Variants in RPP40 observed in about 807,000 individuals in gnomAD.
The protein encoded by RPP40 is ribonuclease P/MRP subunit p40.
In RPP40, 30 loss-of-function variants were observed where a neutral mutation model predicts 42.5. The observed-to-expected ratio is 0.71, with a 90% CI of 0.53 to 0.96. The LOEUF (loss-of-function observed/expected upper bound fraction) is 0.96. Among genes scored for constraint, RPP40 ranks in the 40% least tolerant of loss-of-function variants. The pLI is 0.00. For synonymous variants in RPP40, 173 were observed against 164.0 expected (o/e 1.05, Z -0.42); for missense variants, 426 against 433.5 (o/e 0.98, Z 0.15).
chr6:4,995,371 A>G, intron 7 of RPP40, 95 bp from the exon 8 acceptor site: 2 of 849,828 alleles, frequency 2.4e-6, no homozygotes, highest in Non-Finnish European at 3.7e-6. Context: ...TATTTCTGAT[A>G]TTCTAATAAA....
At chr6:4,992,908 A>G (rs547422801), downstream of RPP40, among the ~76,000 whole-genome samples, 112 of 152,326 alleles carry the variant, frequency 7.4e-4, no homozygotes, top group African/African-American at 2.5e-3. Flanking sequence ...TTTACAGCAC[A>G]TATCTGTAAC....
intron 4 of RPP40, among the ~76,000 whole-genome samples, chr6:4,999,134 G>A (rs916217512): frequency 6.5e-5 from 8 of 123,540 alleles, no homozygotes; most frequent in African/African-American, 1.1e-4. Flanking sequence ...TGGATGTGGC[G>A]GCCTTAGCTA....
rs1432478033 is a variant in RPP40 at position 4,999,862 on chromosome 6, G to A, written c.380C>T (p.Thr127Ile). 6.2e-7 allele frequency: 1 copy of A among 1,609,828 alleles called. No individual in the cohort carries two copies. The highest frequency in any genetic ancestry group is 2.2e-5 in the East Asian group (1 of 44,814). The change falls in exon 4 of 8, where the codon ACT becomes ATT. Residue 127 changes from threonine (T) to isoleucine (I), a missense_variant. Thr to Ile is a moderately conservative substitution (Grantham distance 89, BLOSUM62 -1). Coordinates refer to ENST00000380051, the MANE Select transcript of RPP40 (RefSeq NM_006638.4). ...CTGAGATGGATGACCCTGAAGTCCA[G>A]TTTCTTCATAAGTGTCTTTATCCAG... ...LSLDKDTYEETGLQGHPSQFS... is the reference protein window; with the variant it reads ...LSLDKDTYEEIGLQGHPSQFS...
In RPP40 at chr6:4,994,737, A is replaced by T. The variant is rs1168334333; in HGVS notation, c.*341T>A. The T allele has an allele frequency of 1.4e-5, 3 of 221,100 alleles. No individual in the cohort carries two copies. The East Asian group carries it at 2.8e-4, about 21-fold the overall frequency. The allele number at this position is 221,100 out of a possible 1,614,324, so 13.7% of individuals were successfully genotyped here. A position where few individuals can be genotyped will look rare whatever the true frequency, so the allele number is the denominator to read the frequency against. ...CCTGGTAAGGATGAGATTTCTTTTT[A>T]TTATCTGAAAAAGTTGTAATGAACA... On this transcript the variant is annotated 3_prime_UTR_variant, in exon 8 of 8. Coordinates refer to ENST00000380051, the MANE Select transcript of RPP40 (RefSeq NM_006638.4).
At chr6:5,001,933 T>C in intron 2 of RPP40, 168 bp downstream of exon 2, 1 of 608,594 alleles carries the variant, frequency 1.6e-6, no homozygotes, top group East Asian at 2.7e-5. Context: ...CTAAAGAGGG[T>C]ACAAGAAAGA....
At chr6:4,988,502 C>A in the RPP40 span, among the ~76,000 whole-genome samples, 1 of 152,164 alleles carries the variant, frequency 6.6e-6, no homozygotes, top group East Asian at 1.9e-4. Context: ...CATCCCTAAT[C>A]TCAGGCAACC....
intron 4 of RPP40, 121 bp downstream of exon 4, chr6:4,999,688 T>C (rs1759492475): frequency 1.6e-6 from 1 of 625,938 alleles, no homozygotes; most frequent in South Asian, 2.1e-5. Context: ...AGTCAGAAGT[T>C]TGACAGATTT....
intron 2 of RPP40, among the ~76,000 whole-genome samples, chr6:5,000,883 C>A (rs1759534253): frequency 6.7e-6 from 1 of 150,372 alleles, no homozygotes; most frequent in Non-Finnish European, 1.5e-5. Flanking sequence ...ACAAAGCTTG[C>A]AGAAGACCAA....
downstream of RPP40, among the ~76,000 whole-genome samples, chr6:4,989,748 C>T (rs1233042390): frequency 6.6e-6 from 1 of 152,102 alleles, no homozygotes; most frequent in Admixed American, 6.5e-5. Context: ...ATCAATTTTT[C>T]ATTGCTACCA....
chr6:4,995,958 G>T lies in RPP40; in HGVS notation c.886C>A (p.His296Asn). ...LPEKICLLLEHLCHYFDEPKL... is the reference protein window; with the variant it reads ...LPEKICLLLENLCHYFDEPKL... The stretch of plus-strand genomic sequence containing the variant: ...AAGGTAAAGAGTTCTCACCAGAGAT[G>T]TTCCAATAGGAGACAGATCTTCTCT... Residue 296 changes from histidine (H) to asparagine (N), a missense_variant, in exon 7 of 8, where the codon CAT becomes AAT. His to Asn is a moderately conservative substitution (Grantham distance 68, BLOSUM62 1). Transcript: ENST00000380051. 2 of 1,613,988 alleles carry T rather than the reference G, an allele frequency of 1.2e-6. No homozygotes were observed. The highest frequency in any genetic ancestry group is 2.2e-5 in the South Asian group (2 of 91,070).
In RPP40 at chr6:4,995,974, G is replaced by C. The variant is rs1243977596; in HGVS notation, c.870C>G (p.Ile290Met). ...ACCAGAGATGTTCCAATAGGAGACA[G>C]ATCTTCTCTGGAAGTATGAAGCCAG... Reference protein sequence around the residue: ...TITGFILPEKICLLLEHLCHY... With the variant: ...TITGFILPEKMCLLLEHLCHY... Residue 290 changes from isoleucine (I) to methionine (M), a missense_variant, in exon 7 of 8, where the codon ATC (isoleucine) becomes ATG (methionine). By Grantham distance (10) the Ile-to-Met change is conservative (BLOSUM62 1). Coordinates refer to ENST00000380051, the MANE Select transcript of RPP40 (RefSeq NM_006638.4). 1 of 1,614,118 alleles carries C rather than the reference G, an allele frequency of 6.2e-7. No homozygotes were observed. Among genetic ancestry groups the C allele is most frequent in the Non-Finnish European group, 8.5e-7 (1 of 1,179,980 alleles).
chr6:4,992,368 C>CAA (rs56244686), downstream of RPP40, among the ~76,000 whole-genome samples: 4 of 108,702 alleles, frequency 3.7e-5, no homozygotes, highest in Non-Finnish European at 3.9e-5. Flanking sequence ...GGCTCTGTCT[C>CAA]AAAAAAAAAA....
intron 2 of RPP40, 31 bp from the exon 3 acceptor site, chr6:5,000,662 A>T (rs750554568): frequency 2.9e-6 from 4 of 1,363,996 alleles, no homozygotes; most frequent in Non-Finnish European, 4.2e-6. Context: ...GAAAAATTTA[A>T]AACAAGAAAT....
At chr6:4,990,439 C>T (rs1173510771), downstream of RPP40, among the ~76,000 whole-genome samples, 1 of 152,094 alleles carries the variant, frequency 6.6e-6, no homozygotes, top group African/African-American at 2.4e-5. Flanking sequence ...TAGGATAATT[C>T]TGGCCTCAGA....
chr6:5,002,002 G>A, intron 2 of RPP40, 99 bp downstream of exon 2: 2 of 1,038,426 alleles, frequency 1.9e-6, no homozygotes, highest in South Asian at 3.2e-5. Context: ...CTATACCACA[G>A]GCCCTGTTTG....
At chr6:5,003,695 T>G in intron 1 of RPP40, 185 bp downstream of exon 1, 2 of 687,260 alleles carry the variant, frequency 2.9e-6, no homozygotes, top group South Asian at 4.7e-5. Context: ...GTTGTAGTCC[T>G]GTAGCCCTGC....
downstream of RPP40, among the ~76,000 whole-genome samples, chr6:4,993,912 T>C (rs2127538852): frequency 6.6e-6 from 1 of 152,190 alleles, no homozygotes; most frequent in East Asian, 1.9e-4. Context: ...TTTTCCTCCC[T>C]TGGGCAGGCC....
chr6:4,998,580 TTAA>T, intron 5 of RPP40, 133 bp downstream of exon 5: 9 of 579,774 alleles, frequency 1.6e-5, no homozygotes, highest in Non-Finnish European at 1.9e-5. Flanking sequence ...GCTAGTTTCC[TTAA>T]TAATATTTTT....
chr6:5,003,364 AAAAG>A lies in RPP40; in HGVS notation c.123+512_123+515del, dbSNP rs796828706. ...TCCGTCTAAAAAAAAAAAAAAAAAAAAAAGGAAAATCAGTCGCTTCCTGGGCCGA... is the reference window on the plus strand; with the variant it reads ...TCCGTCTAAAAAAAAAAAAAAAAAAAGAAAATCAGTCGCTTCCTGGGCCGA... On this transcript the variant is annotated intron_variant, in intron 1 of 7. Coordinates refer to ENST00000380051, the MANE Select transcript of RPP40 (RefSeq NM_006638.4). Among the ~76,000 whole-genome samples the A allele has an allele frequency of 5.7e-3, 844 of 148,400 alleles. 62 individuals carry two copies. The highest frequency in any genetic ancestry group is 0.02 in the African/African-American group (795 of 39,148).
Sources: allele counts gnomAD v4.1 joint callset (sites outside exome capture counted in the v4.1 genomes callset), GRCh38; gene constraint gnomAD v4.1.1; transcripts MANE v1.5; gene names NCBI Gene and HGNC (gene_info 2026-07-23, HGNC 2026-07-21).